The following CAMKMT variants were observed in gnomAD, a reference collection of about 807,000 sequenced individuals.
CAMKMT encodes CaM KMT.
In CAMKMT, 53 loss-of-function variants were observed where a neutral mutation model predicts 48.0. The observed-to-expected ratio is 1.10, with a 90% CI of 0.89 to 1.39. The LOEUF (loss-of-function observed/expected upper bound fraction) is 1.39, where lower values mean the gene tolerates loss of function less well. Among genes scored for constraint, CAMKMT ranks in the 40% most tolerant of loss-of-function variants. CAMKMT has a pLI of 0.00. For synonymous variants in CAMKMT, 165 were observed against 152.3 expected (o/e 1.08, Z -0.61); for missense variants, 428 against 402.7 (o/e 1.06, Z -0.54).
intron 3 of CAMKMT, among the ~76,000 whole-genome samples, chr2:44,415,719 A>G (rs375537055): frequency 6.6e-6 from 1 of 152,274 alleles, no homozygotes; most frequent in African/African-American, 2.4e-5. Flanking sequence ...ATGATTCCAC[A>G]TTTCTTCAAG....
chr2:44,418,297 A>T (rs574148923), intron 3 of CAMKMT, among the ~76,000 whole-genome samples: 2 of 150,128 alleles, frequency 1.3e-5, no homozygotes, highest in South Asian at 4.2e-4. Flanking sequence ...TATCCTGTTT[A>T]AAAAAATCTA....
At position 44,369,249 on chromosome 2, in the gene CAMKMT, A is replaced by C. The variant is rs531318432; in HGVS notation, c.139-3467A>C. Among the ~76,000 whole-genome samples the C allele has an allele frequency of 2.0e-3, 304 of 152,288 alleles. 1 individual carries two copies. The highest frequency in any genetic ancestry group is 3.4e-3 in the Non-Finnish European group (233 of 68,016). On this transcript the variant is annotated intron_variant, in intron 1 of 10. Transcript: ENST00000378494. ...TAAAGAAAACCTTCAAAGAGAGACT[A>C]CCTTTTCCGATCCTCCATTTAAAAA...
chr2:44,383,484 C>T (rs78301804), intron 2 of CAMKMT, among the ~76,000 whole-genome samples: 1 of 151,964 alleles, frequency 6.6e-6, no homozygotes, highest in South Asian at 2.1e-4. Context: ...TTTGTAATTT[C>T]AATTTTCATT....
intron 3 of CAMKMT, among the ~76,000 whole-genome samples, chr2:44,420,412 A>G (rs1290735162): frequency 1.3e-5 from 2 of 152,134 alleles, no homozygotes; most frequent in Non-Finnish European, 2.9e-5. Flanking sequence ...TGACTCTTGA[A>G]CAATGCAGGG....
chr2:44,599,821 A>C (rs1670878067), intron 3 of CAMKMT, among the ~76,000 whole-genome samples: 1 of 92,504 alleles, frequency 1.1e-5, no homozygotes, highest in South Asian at 3.6e-4. Context: ...CACCTTGGCA[A>C]GGTTTAAAAA....
At chr2:44,555,984 A>AG (rs1190641503) in intron 3 of CAMKMT, among the ~76,000 whole-genome samples, 1 of 152,146 alleles carries the variant, frequency 6.6e-6, no homozygotes, top group Admixed American at 6.5e-5. Context: ...AGTGAATGGG[A>AG]GGAGCAGAAG....
At chr2:44,595,049 A>G (rs1183064412) in intron 3 of CAMKMT, among the ~76,000 whole-genome samples, 1 of 151,982 alleles carries the variant, frequency 6.6e-6, no homozygotes, top group East Asian at 1.9e-4. Flanking sequence ...CAAACATGAA[A>G]AAAGCTCATC....
At position 44,431,845 on chromosome 2, in the gene CAMKMT, C is replaced by G. The variant is rs1026767686; in HGVS notation, c.376+41540C>G. 2.6e-5 allele frequency among the ~76,000 whole-genome samples: 4 copies of G among 152,140 alleles called. No individual in the cohort carries two copies. In the South Asian group the frequency reaches 8.3e-4, roughly 32 times the overall value. On this transcript the variant is annotated intron_variant, in intron 3 of 10. Coordinates refer to ENST00000378494, the MANE Select transcript of CAMKMT (RefSeq NM_024766.5). The stretch of plus-strand genomic sequence containing the variant: ...AACACTCCCATTGGGAAATGGGGAA[C>G]TAGTCTAAGATGTTAGCTCAATTGT...
At chr2:44,621,067 G>A (rs1307937838) in intron 3 of CAMKMT, among the ~76,000 whole-genome samples, 1 of 152,090 alleles carries the variant, frequency 6.6e-6, no homozygotes, top group African/African-American at 2.4e-5. Flanking sequence ...AGGAGACAGA[G>A]ACCATCCTGG....
chr2:44,635,227 T>C (rs1224344027), intron 3 of CAMKMT, among the ~76,000 whole-genome samples: 1 of 152,108 alleles, frequency 6.6e-6, no homozygotes, highest in African/African-American at 2.4e-5. Context: ...TAGATAAGGA[T>C]AGTATTTATG....
intron 3 of CAMKMT, among the ~76,000 whole-genome samples, chr2:44,600,969 TTTC>T (rs142838736): frequency 0.016 from 2,504 of 152,242 alleles, 31 homozygotes; most frequent in Non-Finnish European, 0.028. Context: ...GATATTGTCT[TTTC>T]TTCTTCTAAT....
At chr2:44,485,870 C>G (rs1488056272) in intron 3 of CAMKMT, among the ~76,000 whole-genome samples, 1 of 152,178 alleles carries the variant, frequency 6.6e-6, no homozygotes, top group South Asian at 2.1e-4. Flanking sequence ...ATGCTTACCT[C>G]TGGGGAAGAG....
chr2:44,771,420 C>T lies in CAMKMT; in HGVS notation c.895-616C>T, dbSNP rs564181279. Among the ~76,000 whole-genome samples, 3 of 152,248 alleles carry T rather than the reference C, an allele frequency of 2.0e-5. No individual in the cohort carries two copies. In the East Asian group the frequency reaches 5.8e-4, roughly 29 times the overall value. ...GAGAAACCTAACTGGATTTTAAAAT[C>T]TTATCACAGAAATATCCTCAGAACT... On this transcript the variant is annotated intron_variant, in intron 10 of 10. Coordinates refer to ENST00000378494, the MANE Select transcript of CAMKMT (RefSeq NM_024766.5).
intron 3 of CAMKMT, among the ~76,000 whole-genome samples, chr2:44,396,790 G>A (rs1009364674): frequency 1.3e-5 from 2 of 151,552 alleles, no homozygotes; most frequent in African/African-American, 4.8e-5. Flanking sequence ...GATGGGAACT[G>A]TGGCTCACAC....
chr2:44,628,263 T>A (rs1672609511), intron 3 of CAMKMT, among the ~76,000 whole-genome samples: 1 of 152,142 alleles, frequency 6.6e-6, no homozygotes, highest in Non-Finnish European at 1.5e-5. Flanking sequence ...TTGTATTTCA[T>A]CTCTCTTTTT....
At chr2:44,680,766 C>T (rs1169394707) in intron 3 of CAMKMT, among the ~76,000 whole-genome samples, 2 of 152,128 alleles carry the variant, frequency 1.3e-5, no homozygotes, top group Non-Finnish European at 2.9e-5. Context: ...CTCATGTCTC[C>T]ACCAACTGCC....
At chr2:44,594,552 GC>G (rs1670532229) in intron 3 of CAMKMT, among the ~76,000 whole-genome samples, 1 of 152,140 alleles carries the variant, frequency 6.6e-6, no homozygotes, top group African/African-American at 2.4e-5. Context: ...ACAGAAACAA[GC>G]AATGGGGAAA....
intron 3 of CAMKMT, among the ~76,000 whole-genome samples, chr2:44,542,498 C>G: frequency 3.8e-5 from 1 of 26,598 alleles, no homozygotes; most frequent in Non-Finnish European, 1.2e-4. Flanking sequence ...CATACACATA[C>G]ACACACACAC....
chr2:44,762,425 G>C (rs1680655141), intron 9 of CAMKMT, among the ~76,000 whole-genome samples: 2 of 152,208 alleles, frequency 1.3e-5, no homozygotes, highest in South Asian at 4.1e-4. Context: ...AACTAAATGT[G>C]AGACTAGTGC....
Sources: gnomAD v4.1 joint callset for allele counts (sites outside exome capture counted in the v4.1 genomes callset) on GRCh38, gnomAD v4.1.1 for gene constraint, MANE v1.5 for transcripts, NCBI Gene and HGNC (gene_info 2026-07-23, HGNC 2026-07-21) for gene names.